MORC1: variants seen among roughly 807,000 people sequenced by gnomAD.
MORC1 encodes the protein MORC family CW-type zinc finger 1.
MORC1 carries 59 observed loss-of-function variants against 134.9 expected under a neutral mutation model. That is an observed-to-expected ratio of 0.44 (90% CI 0.35 to 0.54). The LOEUF is 0.54. Among genes scored for constraint, MORC1 ranks in the 20% least tolerant of loss-of-function variants. The probability of loss-of-function intolerance (pLI) is 0.00; values close to 1 mark genes in which losing one functional copy is unlikely to be tolerated. For synonymous variants in MORC1, 395 were observed against 391.7 expected (o/e 1.01, Z -0.10); for missense variants, 947 against 1,134.5 (o/e 0.83, Z 2.37).
intron 8 of MORC1, among the ~76,000 whole-genome samples, chr3:109,075,542 T>G (rs1950402996): frequency 6.6e-6 from 1 of 152,154 alleles, no homozygotes; most frequent in Non-Finnish European, 1.5e-5. Flanking sequence ...CCAACATCAT[T>G]TATTAAATAG....
chr3:109,057,554 T>G, intron 12 of MORC1, 68 bp from the exon 13 acceptor site: 1 of 1,370,554 alleles, frequency 7.3e-7, no homozygotes, highest in Non-Finnish European at 9.8e-7. Flanking sequence ...AGGAAACTGC[T>G]AATAATTAAA....
chr3:108,960,362 G>A (rs994991527), intron 27 of MORC1, among the ~76,000 whole-genome samples: 2 of 152,150 alleles, frequency 1.3e-5, no homozygotes, highest in African/African-American at 2.4e-5. Context: ...TTTCAATGGA[G>A]ATTTTAGACA....
chr3:109,007,886 G>A (rs2107540632), intron 17 of MORC1, among the ~76,000 whole-genome samples: 1 of 151,980 alleles, frequency 6.6e-6, no homozygotes, highest in East Asian at 1.9e-4. Flanking sequence ...TGATACCACT[G>A]TCTCGCTTAA....
At chr3:109,025,379 CTTTTTTTTTTTTTTTTTTTT>C (rs63701060) in intron 17 of MORC1, among the ~76,000 whole-genome samples, 1 of 105,100 alleles carries the variant, frequency 9.5e-6, no homozygotes, top group Admixed American at 1.1e-4. Context: ...TTTCTTTTTT[CTTTTTTTTTTTTTTTTTTTT>C]TTTTTTGAGA....
rs56865589 is a variant in MORC1 at position 109,091,446 on chromosome 3, A to AAAAT, written c.689+1986_689+1989dup. On this transcript the variant is annotated intron_variant, in intron 8 of 27. Transcript: ENST00000232603. The stretch of plus-strand genomic sequence containing the variant: ...GCAACAGGGTGAGACTCCATCTAAA[A>AAAAT]AAATAAATAAATAAATAAATAAATA... Among the ~76,000 whole-genome samples the AAAAT allele has an allele frequency of 3.5e-3, 520 of 147,030 alleles. 2 individuals are homozygous for AAAAT. The highest frequency in any genetic ancestry group is 9.5e-3 in the African/African-American group (381 of 39,936).
intron 2 of MORC1, among the ~76,000 whole-genome samples, chr3:109,113,371 T>G (rs989435859): frequency 6.6e-6 from 1 of 152,162 alleles, no homozygotes; most frequent in Non-Finnish European, 1.5e-5. Context: ...GATAACGACT[T>G]TCTACTTAGT....
intron 8 of MORC1, among the ~76,000 whole-genome samples, chr3:109,089,477 T>C (rs1193779093): frequency 1.3e-5 from 2 of 152,100 alleles, no homozygotes; most frequent in Non-Finnish European, 2.9e-5. Context: ...TTAACTTCTG[T>C]ACCCACTCAA....
chr3:109,027,778 T>G lies in MORC1; in HGVS notation c.1677A>C (p.Gln559His), dbSNP rs1316517266. The change falls in exon 17 of 28, where the codon CAA becomes CAC. Residue 559 changes from glutamine (Q) to histidine (H), a missense_variant. Gln to His is a conservative substitution (Grantham distance 24). Around this residue, in one of 3 missense-constraint regions of MORC1, gnomAD observed 722 missense variants for 817.0 expected, o/e 0.88. Coordinates refer to ENST00000232603, the MANE Select transcript of MORC1 (RefSeq NM_014429.4). ...KQLRESVIKYQNRLAEQQPQP... is the reference protein window; with the variant it reads ...KQLRESVIKYHNRLAEQQPQP... The stretch of plus-strand genomic sequence containing the variant: ...GTGGCTGCTGTTCTGCCAGTCTATT[T>G]TGATACTTTATGACCGACTCTCTAA... 1 of 1,613,936 alleles carries G rather than the reference T, an allele frequency of 6.2e-7. No individual in the cohort carries two copies. The highest frequency in any genetic ancestry group is 1.1e-5 in the South Asian group (1 of 91,078).
chr3:109,006,302 T>C (rs1317453391), intron 18 of MORC1, among the ~76,000 whole-genome samples: 1 of 152,196 alleles, frequency 6.6e-6, no homozygotes, highest in Non-Finnish European at 1.5e-5. Flanking sequence ...CTGGGTTCAT[T>C]GGTCTCTGAT....
chr3:109,099,756 G>A (rs1030170476), intron 5 of MORC1, among the ~76,000 whole-genome samples: 1 of 152,124 alleles, frequency 6.6e-6, no homozygotes, highest in African/African-American at 2.4e-5. Context: ...TGAGCCTCAT[G>A]TCCTGACCTT....
intron 8 of MORC1, among the ~76,000 whole-genome samples, chr3:109,070,500 C>A (rs1418003406): frequency 1.3e-5 from 2 of 152,110 alleles, no homozygotes; most frequent in Non-Finnish European, 2.9e-5. Flanking sequence ...TGTAAATCCT[C>A]TCCAATAAGA....
intron 8 of MORC1, among the ~76,000 whole-genome samples, chr3:109,078,379 A>C (rs1950461418): frequency 6.6e-6 from 1 of 152,056 alleles, no homozygotes; most frequent in Non-Finnish European, 1.5e-5. Flanking sequence ...AACAATAAAA[A>C]GATATCTGAC....
At chr3:109,009,197 G>GTTTTTTTTTTTTTTTT (rs201228015) in intron 17 of MORC1, among the ~76,000 whole-genome samples, 3 of 133,810 alleles carry the variant, frequency 2.2e-5, no homozygotes. Context: ...CTATTTTTAC[G>GTTTTTTTTTTTTTTTT]TTTTTTGTTG....
chr3:109,042,683 A>G (rs761825123), intron 14 of MORC1, among the ~76,000 whole-genome samples: 2 of 152,190 alleles, frequency 1.3e-5, no homozygotes, highest in Non-Finnish European at 2.9e-5. Context: ...ATCAATCTAC[A>G]TGTCCATCAA....
chr3:109,025,379 C>CTTTTTTTTTT (rs63701060), intron 17 of MORC1, among the ~76,000 whole-genome samples: 26 of 105,098 alleles, frequency 2.5e-4, no homozygotes, highest in African/African-American at 6.6e-4. Context: ...TTTCTTTTTT[C>CTTTTTTTTTT]TTTTTTTTTT....
intron 26 of MORC1, among the ~76,000 whole-genome samples, chr3:108,968,484 G>C (rs185821705): frequency 3.7e-4 from 57 of 152,228 alleles, no homozygotes; most frequent in African/African-American, 1.3e-3. Context: ...TATGTCTTTT[G>C]GGAATTTACT....
chr3:108,972,993 T>C (rs16855064), intron 24 of MORC1, among the ~76,000 whole-genome samples: 27,814 of 152,142 alleles, frequency 0.18, 2,586 homozygotes, highest in South Asian at 0.21. Context: ...TTTCAATCTG[T>C]GGCATCTCTA....
chr3:109,031,516 T>C (rs1470709552), intron 16 of MORC1, among the ~76,000 whole-genome samples: 2 of 152,206 alleles, frequency 1.3e-5, no homozygotes, highest in Admixed American at 1.3e-4. Flanking sequence ...ATTCTTAATA[T>C]TGAAACTGAG....
At chr3:109,069,550 G>T in intron 9 of MORC1, 82 bp downstream of exon 9, 1 of 1,312,524 alleles carries the variant, frequency 7.6e-7, no homozygotes, top group Non-Finnish European at 1.0e-6. Flanking sequence ...CAAAGTCAAT[G>T]TCCTCACTTT....
Sources: gnomAD v4.1 joint callset for allele counts (sites outside exome capture counted in the v4.1 genomes callset) on GRCh38, gnomAD v4.1.1 for gene constraint, gnomAD v4.1.1 regional missense constraint, MANE v1.5 for transcripts, NCBI Gene and HGNC (gene_info 2026-07-23, HGNC 2026-07-21) for gene names.